KCNK12: variants seen among roughly 807,000 people sequenced by gnomAD.
The protein encoded by KCNK12 is potassium channel subfamily K member 12.
In KCNK12, 6 loss-of-function variants were observed where a neutral mutation model predicts 25.3. The observed-to-expected ratio is 0.24, with a 90% CI of 0.13 to 0.47. The LOEUF (loss-of-function observed/expected upper bound fraction) is 0.47, where lower values mean the gene tolerates loss of function less well. Among genes scored for constraint, KCNK12 ranks in the 20% least tolerant of loss-of-function variants. The pLI is 0.99. For synonymous variants in KCNK12, 331 were observed against 311.1 expected, an observed-to-expected ratio of 1.06 and a Z score of -0.67; for missense variants, 444 against 661.7, an observed-to-expected ratio of 0.67 and a Z score of 3.61.
At chr2:47,531,430 A>G (rs1403980424) in intron 1 of KCNK12, among the ~76,000 whole-genome samples, 2 of 151,740 alleles carry the variant, frequency 1.3e-5, no homozygotes, top group African/African-American at 4.8e-5. Flanking sequence ...CCATGACTGC[A>G]CCCTTGCACT....
rs116781195 is a variant in KCNK12 at position 47,525,458 on chromosome 2, C to T, written c.392-3650G>A. Among the ~76,000 whole-genome samples, 447 of 152,274 alleles carry T rather than the reference C, an allele frequency of 2.9e-3. No individual in the cohort carries two copies. Among genetic ancestry groups the T allele is most frequent in the African/African-American group, 1.0e-2 (414 of 41,554 alleles). Reference sequence around the variant, plus strand: ...GCATGGTGAGGGTTCTGGGAGAACCCGGCAGTGTCCCCTGGAGTCCAGAGC... The same window carrying T: ...GCATGGTGAGGGTTCTGGGAGAACCTGGCAGTGTCCCCTGGAGTCCAGAGC... On this transcript the variant is annotated intron_variant, in intron 1 of 1. Transcript: ENST00000327876. This position sits in a 1 kb window ranked among gnomAD's most constrained non-coding sequence, Gnocchi z 4.1.
At chr2:47,533,000 C>CTT (rs1668969348) in intron 1 of KCNK12, among the ~76,000 whole-genome samples, 2 of 151,994 alleles carry the variant, frequency 1.3e-5, no homozygotes, top group African/African-American at 4.8e-5. Context: ...TGGCCCAATG[C>CTT]CCTACTTATT....
At chr2:47,546,903 A>T (rs1669325952) in intron 1 of KCNK12, among the ~76,000 whole-genome samples, 1 of 142,204 alleles carries the variant, frequency 7.0e-6, no homozygotes, top group South Asian at 2.6e-4. Context: ...CCCACAGCTC[A>T]GAGGGAGTAC....
At chr2:47,542,734 G>A (rs1203791602) in intron 1 of KCNK12, among the ~76,000 whole-genome samples, 1 of 152,180 alleles carries the variant, frequency 6.6e-6, no homozygotes, top group East Asian at 1.9e-4. Context: ...TCAAAGCCAG[G>A]TGAGAGCACT....
chr2:47,554,469 C>T (rs546020534), intron 1 of KCNK12, among the ~76,000 whole-genome samples: 6 of 152,092 alleles, frequency 3.9e-5, no homozygotes, highest in Non-Finnish European at 5.9e-5. Flanking sequence ...TCAGCCATGC[C>T]GTGACTCACA....
At chr2:47,522,093 C>A (rs752136812) in intron 1 of KCNK12, among the ~76,000 whole-genome samples, 15 of 152,194 alleles carry the variant, frequency 9.9e-5, no homozygotes, top group Non-Finnish European at 1.9e-4. Flanking sequence ...CTAGGAAGGA[C>A]CCATCATGAC....
chr2:47,542,450 A>T (rs1669221415), intron 1 of KCNK12, among the ~76,000 whole-genome samples: 1 of 152,254 alleles, frequency 6.6e-6, no homozygotes, highest in South Asian at 2.1e-4. Context: ...GTTTTAAAAC[A>T]TTAGTCTACC....
chr2:47,545,975 C>T (rs1217334319), intron 1 of KCNK12, among the ~76,000 whole-genome samples: 1 of 151,568 alleles, frequency 6.6e-6, no homozygotes, highest in Non-Finnish European at 1.5e-5. Flanking sequence ...CATCTACATG[C>T]TCTCTCCCTC....
rs561399273 is a variant in KCNK12, at chr2:47,547,502, G to A, written c.391+22439C>T. ...TGCCCAGGCTGGAGTGCAATGGCAC[G>A]ATCATAGCTCACTGCATCCTTGAAT... On this transcript the variant is annotated intron_variant, in intron 1 of 1. Coordinates refer to ENST00000327876, the MANE Select transcript of KCNK12 (RefSeq NM_022055.2). This position sits in a 1 kb window ranked among gnomAD's most constrained non-coding sequence, Gnocchi z 5.0. 7.9e-5 allele frequency among the ~76,000 whole-genome samples: 12 copies of A among 152,112 alleles called. No individual in the cohort carries two copies. Among genetic ancestry groups the A allele is most frequent in the East Asian group, 1.9e-4 (1 of 5,188 alleles).
Position 47,516,198 on chromosome 2 carries a change from T to A in KCNK12, c.*4709A>T, listed in dbSNP as rs1470180838. 6.6e-6 allele frequency among the ~76,000 whole-genome samples: 1 copy of A among 152,176 alleles called. No homozygotes were observed. The highest frequency in any genetic ancestry group is 2.4e-5 in the African/African-American group (1 of 41,444). ...TCTGTGTTTACAGGGTGTATTCAAG[T>A]CCATGACTGCCCATTAGAATCCCCC... On this transcript the variant is annotated 3_prime_UTR_variant, in exon 2 of 2. Transcript: ENST00000327876.
At position 47,513,086 on chromosome 2, in the gene KCNK12, A is replaced by G. The variant is rs894913135; in HGVS notation, c.*7821T>C. ...TACAGATAGAAGTGTCTGATACTAC[A>G]TAGATTATGCTTGCACTCACTCTTA... On this transcript the variant is annotated 3_prime_UTR_variant, in exon 2 of 2. Coordinates refer to ENST00000327876, the MANE Select transcript of KCNK12 (RefSeq NM_022055.2). 9 of 152,484 alleles carry G rather than the reference A, an allele frequency of 5.9e-5. No individual in the cohort carries two copies. The highest frequency in any genetic ancestry group is 1.9e-4 in the African/African-American group (8 of 41,458). 9.4% of individuals were successfully genotyped at this position (152,484 alleles called of 1,614,324 possible).
At position 47,542,460 on chromosome 2, in the gene KCNK12, C is replaced by A. The variant is rs567289831; in HGVS notation, c.392-20652G>T. On this transcript the variant is annotated intron_variant, in intron 1 of 1. Coordinates refer to ENST00000327876, the MANE Select transcript of KCNK12 (RefSeq NM_022055.2). ...TTTTAGTTTTAAAACATTAGTCTAC[C>A]CATGCCTTGATAAACTGTAAAATGC... 2.6e-5 allele frequency among the ~76,000 whole-genome samples: 4 copies of A among 152,312 alleles called. No homozygotes were observed. In the East Asian group the frequency reaches 7.7e-4, roughly 29 times the overall value.
At chr2:47,532,516 C>T (rs1486402191) in intron 1 of KCNK12, among the ~76,000 whole-genome samples, 3 of 152,170 alleles carry the variant, frequency 2.0e-5, no homozygotes, top group Admixed American at 6.5e-5. Flanking sequence ...CACCCACCAC[C>T]ACACCTGGCA....
intron 1 of KCNK12, among the ~76,000 whole-genome samples, chr2:47,545,905 A>T (rs2104830360): frequency 6.6e-6 from 1 of 150,926 alleles, no homozygotes; most frequent in African/African-American, 2.5e-5. Flanking sequence ...ACTGAATTGC[A>T]CTTAACTTCT....
At chr2:47,564,100 A>G in intron 1 of KCNK12, 2 of 231,754 alleles carry the variant, frequency 8.6e-6, no homozygotes, top group Non-Finnish European at 1.7e-5. Flanking sequence ...GAAGATCCTA[A>G]CGCCACAGGC....
intron 1 of KCNK12, among the ~76,000 whole-genome samples, chr2:47,541,775 A>G (rs1179655984): frequency 6.6e-6 from 1 of 152,230 alleles, no homozygotes; most frequent in Non-Finnish European, 1.5e-5. Context: ...CAAGCCAAGG[A>G]GAGAGTCCTC....
In KCNK12 at chr2:47,515,597, C is replaced by T. The variant is rs1668506612; in HGVS notation, c.*5310G>A. Among the ~76,000 whole-genome samples, 1 of 152,098 alleles carries T rather than the reference C, an allele frequency of 6.6e-6. No individual in the cohort carries two copies. Among genetic ancestry groups the T allele is most frequent in the Admixed American group, 6.6e-5 (1 of 15,266 alleles). ...CTGTAGATAAAAGATGGAGCTTGTG[C>T]TTCTGAGTGGTCATGCTCAACAGGG... is the stretch of plus-strand genomic sequence containing the variant. On this transcript the variant is annotated 3_prime_UTR_variant, in exon 2 of 2. Transcript: ENST00000327876.
chr2:47,530,094 A>G (rs1276589948), intron 1 of KCNK12, among the ~76,000 whole-genome samples: 3 of 152,044 alleles, frequency 2.0e-5, no homozygotes, highest in Non-Finnish European at 2.9e-5. Context: ...GCCTCACTTT[A>G]ATCAAGGAAC....
At chr2:47,563,838 T>G in intron 1 of KCNK12, 1 of 232,752 alleles carries the variant, frequency 4.3e-6, no homozygotes, top group Non-Finnish European at 8.5e-6. Flanking sequence ...GGCACAATTC[T>G]GAGCTGTTCG....
Sources: allele counts gnomAD v4.1 joint callset (sites outside exome capture counted in the v4.1 genomes callset), GRCh38; gene constraint gnomAD v4.1.1; non-coding constraint Gnocchi (gnomAD v3.1); transcripts MANE v1.5; gene names NCBI Gene and HGNC (gene_info 2026-07-23, HGNC 2026-07-21).